The following DNAH7 variants were observed in gnomAD, a reference collection of about 807,000 sequenced individuals.
DNAH7 encodes the protein axonemal beta dynein heavy chain 7.
DNAH7 carries 397 observed loss-of-function variants against 444.6 expected under a neutral mutation model. That is an observed-to-expected ratio of 0.89 (90% CI 0.82 to 0.97). The LOEUF (loss-of-function observed/expected upper bound fraction) is 0.97, where lower values mean the gene tolerates loss of function less well. Among genes scored for constraint, DNAH7 ranks in the 50% least tolerant of loss-of-function variants. The probability of loss-of-function intolerance (pLI) is 0.00; values close to 1 mark genes in which losing one functional copy is unlikely to be tolerated. For missense variants in DNAH7, 4,902 were observed against 4,800.8 expected (o/e 1.02, Z -0.62); for synonymous variants, 1,636 against 1,624.4 (o/e 1.01, Z -0.17).
intron 47 of DNAH7, among the ~76,000 whole-genome samples, chr2:195,844,247 C>T (rs7589521): frequency 0.09 from 13,768 of 152,136 alleles, 690 homozygotes; most frequent in African/African-American, 0.13. Flanking sequence ...TTCATAGTAA[C>T]CTAACAATTA....
intron 63 of DNAH7, among the ~76,000 whole-genome samples, chr2:195,747,603 C>G (rs1463626882): frequency 1.3e-5 from 2 of 152,084 alleles, no homozygotes; most frequent in Non-Finnish European, 2.9e-5. Context: ...ACTGGCAAAC[C>G]AAATCCAGCA....
chr2:195,831,352 G>T (rs1256972943), intron 48 of DNAH7, among the ~76,000 whole-genome samples: 1 of 152,220 alleles, frequency 6.6e-6, no homozygotes, highest in Non-Finnish European at 1.5e-5. Flanking sequence ...TGCTCTGGCT[G>T]AAGTAGAGGC....
At chr2:195,841,717 T>G (rs1349885559) in intron 47 of DNAH7, among the ~76,000 whole-genome samples, 2 of 151,954 alleles carry the variant, frequency 1.3e-5, no homozygotes, top group African/African-American at 4.8e-5. Context: ...CCACATAATC[T>G]TTCTCTCTTT....
chr2:195,934,528 AT>A, intron 21 of DNAH7, 62 bp downstream of exon 21: 1 of 1,515,964 alleles, frequency 6.6e-7, no homozygotes, highest in Non-Finnish European at 9.1e-7. Flanking sequence ...TATCAACAGA[AT>A]ATTTCTAATA....
chr2:195,813,466 C>A (rs1296339575), intron 51 of DNAH7, among the ~76,000 whole-genome samples: 1 of 152,186 alleles, frequency 6.6e-6, no homozygotes, highest in Non-Finnish European at 1.5e-5. Flanking sequence ...AGATAGCCCA[C>A]TTGTCTCCAA....
intron 48 of DNAH7, among the ~76,000 whole-genome samples, chr2:195,825,460 C>G (rs1344744835): frequency 6.6e-6 from 1 of 152,090 alleles, no homozygotes; most frequent in Non-Finnish European, 1.5e-5. Flanking sequence ...CTCTAATAAG[C>G]ATGCTTTTAA....
chr2:195,988,983 A>G (rs991839542), intron 12 of DNAH7, among the ~76,000 whole-genome samples: 1 of 152,156 alleles, frequency 6.6e-6, no homozygotes, highest in African/African-American at 2.4e-5. Context: ...AATGCCCTCC[A>G]GGGTTATCCA....
chr2:195,808,862 C>T lies in DNAH7; in HGVS notation c.9903G>A (p.Glu3301=), dbSNP rs375262264. Residue 3301 remains glutamate, a synonymous_variant, in exon 53 of 65, where the codon GAG becomes GAA. Transcript: ENST00000312428. ...TGCCACCAGTTAGCAGAAATCTCCA[C>T]TCAGCTTTATTAATCTTTGGAAAAC... ...LLHERAINKA[E]WRFLLTGGIG... The T allele has an allele frequency of 8.1e-6, 13 of 1,613,144 alleles. No homozygotes were observed. Among genetic ancestry groups the T allele is most frequent in the Non-Finnish European group, 1.0e-5 (12 of 1,179,700 alleles).
intron 46 of DNAH7, among the ~76,000 whole-genome samples, chr2:195,846,668 G>T (rs1214246945): frequency 1.3e-5 from 2 of 152,132 alleles, no homozygotes; most frequent in African/African-American, 4.8e-5. Flanking sequence ...TCAGTCAGCT[G>T]GGAAAGGCAG....
At chr2:195,994,626 G>A (rs1693572860) in intron 12 of DNAH7, 5 of 496,734 alleles carry the variant, frequency 1.0e-5, no homozygotes, top group Non-Finnish European at 2.0e-5. Flanking sequence ...TTGGGTACTT[G>A]CCAAATGTAT....
At chr2:195,739,419 A>G (rs1490740675) in intron 64 of DNAH7, among the ~76,000 whole-genome samples, 2 of 152,066 alleles carry the variant, frequency 1.3e-5, no homozygotes, top group African/African-American at 2.4e-5. Context: ...CACTGCCTAT[A>G]TTTTATCACA....
intron 51 of DNAH7, among the ~76,000 whole-genome samples, chr2:195,814,463 G>T (rs1413857715): frequency 6.6e-6 from 1 of 152,136 alleles, no homozygotes; most frequent in Non-Finnish European, 1.5e-5. Context: ...GTTCTAACTT[G>T]ATATAATAGG....
intron 63 of DNAH7, among the ~76,000 whole-genome samples, chr2:195,743,643 G>A (rs925591001): frequency 1.3e-5 from 2 of 152,136 alleles, no homozygotes; most frequent in Non-Finnish European, 2.9e-5. Flanking sequence ...TCCCACTAGG[G>A]TCCTATGAGA....
In DNAH7 at chr2:195,845,183, A is replaced by G; in HGVS notation, c.8782-18T>C. The G allele has an allele frequency of 6.3e-7, 1 of 1,592,416 alleles. No individual in the cohort carries two copies. Among genetic ancestry groups the G allele is most frequent in the Non-Finnish European group, 8.6e-7 (1 of 1,169,392 alleles). On this transcript the variant is annotated intron_variant, in intron 46 of 64. Transcript: ENST00000312428. ...GTTTGATTCTTTAGAACATCCACAG[A>G]AAGATAAAGAAATGAGACTGGAGGT...
rs1412474395 is a variant in DNAH7 at position 195,919,571 on chromosome 2, C to A, written c.3935+2517G>T. ...TGTTGGCCAGACTGGTCTCAAATTC[C>A]TGGGCTCAAATGATCCATCCACCTC... On this transcript the variant is annotated intron_variant, in intron 24 of 64. Transcript: ENST00000312428. 2.0e-5 allele frequency among the ~76,000 whole-genome samples: 3 copies of A among 152,086 alleles called. No individual in the cohort carries two copies. The East Asian group carries it at 5.8e-4, about 29-fold the overall frequency.
intron 49 of DNAH7, 135 bp from the exon 50 acceptor site, chr2:195,817,964 G>T (rs1210931416): frequency 1.7e-6 from 1 of 593,616 alleles, no homozygotes; most frequent in Non-Finnish European, 2.7e-6. Context: ...GTAATTTGTA[G>T]AGACTATGAT....
At chr2:195,951,861 C>T (rs962403251) in intron 19 of DNAH7, among the ~76,000 whole-genome samples, 7 of 151,968 alleles carry the variant, frequency 4.6e-5, no homozygotes, top group Admixed American at 6.6e-5. Flanking sequence ...TACAGCACAC[C>T]GATGGGGCTT....
intron 59 of DNAH7, 104 bp downstream of exon 59, chr2:195,777,696 C>CA: frequency 1.6e-6 from 2 of 1,227,538 alleles, no homozygotes; most frequent in Non-Finnish European, 2.3e-6. Context: ...ACAAGGGTAA[C>CA]AAAAAAACAA....
intron 17 of DNAH7, among the ~76,000 whole-genome samples, chr2:195,962,071 T>C (rs919011359): frequency 4.6e-5 from 7 of 152,230 alleles, no homozygotes; most frequent in African/African-American, 1.7e-4. Flanking sequence ...TCTTGAACAC[T>C]TCCTCTTACT....
Sources: gnomAD v4.1 joint callset for allele counts (sites outside exome capture counted in the v4.1 genomes callset) on GRCh38, gnomAD v4.1.1 for gene constraint, MANE v1.5 for transcripts, NCBI Gene and HGNC (gene_info 2026-07-23, HGNC 2026-07-21) for gene names.